Variants in DNAJC15 observed in about 807,000 individuals in gnomAD.
DNAJC15 encodes the protein DnaJ heat shock protein family (Hsp40) member C15, also known as dnaJ homolog subfamily C member 15.
Under a neutral mutation model 22.4 loss-of-function variants are expected in DNAJC15, and 27 were observed. That is an observed-to-expected ratio of 1.20 (90% CI 0.89 to 1.66). The LOEUF (loss-of-function observed/expected upper bound fraction) is 1.66, where lower values mean the gene tolerates loss of function less well. Ranked by LOEUF, DNAJC15 falls within the 40% of genes most tolerant of loss-of-function variation. DNAJC15 has a pLI of 0.00. For missense variants in DNAJC15, 208 were observed against 187.1 expected (o/e 1.11, Z -0.65); for synonymous variants, 79 against 63.2 (o/e 1.25, Z -1.19).
At chr13:43,076,375 T>C (rs1383530998) in intron 3 of DNAJC15, among the ~76,000 whole-genome samples, 2 of 152,240 alleles carry the variant, frequency 1.3e-5, no homozygotes, top group African/African-American at 2.4e-5. Context: ...GTATAGCTTA[T>C]ATAAATGGCC....
At chr13:43,065,813 A>G (rs546401502) in intron 2 of DNAJC15, 76 bp downstream of exon 2, 2 of 1,341,582 alleles carry the variant, frequency 1.5e-6, no homozygotes, top group Non-Finnish European at 2.1e-6. Context: ...TCATGAGTAG[A>G]CCCTTAGTAT....
chr13:43,027,717 C>T (rs529959839), intron 1 of DNAJC15, among the ~76,000 whole-genome samples: 147 of 151,584 alleles, frequency 9.7e-4, no homozygotes, highest in Non-Finnish European at 1.7e-3. Context: ...AATGCAATGG[C>T]GGGATCTCGG....
chr13:43,061,413 G>C (rs912374419), intron 1 of DNAJC15, among the ~76,000 whole-genome samples: 1 of 152,146 alleles, frequency 6.6e-6, no homozygotes, highest in Admixed American at 6.5e-5. Context: ...TACCTTGTCA[G>C]CATAAGCGTT....
chr13:43,062,996 G>A (rs2040566109), intron 1 of DNAJC15, among the ~76,000 whole-genome samples: 1 of 151,474 alleles, frequency 6.6e-6, no homozygotes, highest in Non-Finnish European at 1.5e-5. Context: ...TGGGATTACA[G>A]GCATGAGCCA....
chr13:43,040,519 T>C (rs770533627), intron 1 of DNAJC15, among the ~76,000 whole-genome samples: 1 of 152,208 alleles, frequency 6.6e-6, no homozygotes, highest in Non-Finnish European at 1.5e-5. Flanking sequence ...TCTGCAGGCC[T>C]AGTCTGTTTT....
At chr13:43,024,724 C>T (rs1049658840) in intron 1 of DNAJC15, among the ~76,000 whole-genome samples, 1 of 151,446 alleles carries the variant, frequency 6.6e-6, no homozygotes, top group Non-Finnish European at 1.5e-5. Context: ...TTTTCTTTAA[C>T]CTGATATATG....
rs538343548 is a variant in DNAJC15, at chr13:43,027,528, T to C, written c.108+3794T>C. 7.2e-5 allele frequency among the ~76,000 whole-genome samples: 11 copies of C among 152,368 alleles called. No homozygotes were observed. In the South Asian group the frequency reaches 2.3e-3, roughly 32 times the overall value. On this transcript the variant is annotated intron_variant, in intron 1 of 5. Transcript: ENST00000379221. ...ACCTGTCAAACTAATTTTCAGGCATTTATTCATTTCCAAAAATAAGACAGT... is the reference window on the plus strand; with the variant it reads ...ACCTGTCAAACTAATTTTCAGGCATCTATTCATTTCCAAAAATAAGACAGT...
At chr13:43,096,582 A>G (rs1485274202) in intron 5 of DNAJC15, among the ~76,000 whole-genome samples, 3 of 152,226 alleles carry the variant, frequency 2.0e-5, no homozygotes, top group Admixed American at 2.0e-4. Flanking sequence ...AAGCCAGATA[A>G]TGCACTAGAT....
At chr13:43,102,934 G>A (rs931463418) in intron 5 of DNAJC15, among the ~76,000 whole-genome samples, 4 of 152,054 alleles carry the variant, frequency 2.6e-5, no homozygotes, top group African/African-American at 9.7e-5. Flanking sequence ...TTATTTATGG[G>A]AAGGTTTTTA....
chr13:43,090,180 T>C (rs960704958), intron 5 of DNAJC15, among the ~76,000 whole-genome samples: 1 of 152,204 alleles, frequency 6.6e-6, no homozygotes, highest in African/African-American at 2.4e-5. Context: ...AGCAGCAAGC[T>C]TTTATAGGCC....
chr13:43,101,887 A>G (rs927411655), intron 5 of DNAJC15, among the ~76,000 whole-genome samples: 10 of 152,308 alleles, frequency 6.6e-5, no homozygotes, highest in African/African-American at 2.2e-4. Flanking sequence ...TTGTGCTGCT[A>G]TAAACATGTG....
chr13:43,070,959 G>C (rs1490440250), intron 3 of DNAJC15, among the ~76,000 whole-genome samples: 1 of 152,102 alleles, frequency 6.6e-6, no homozygotes, highest in African/African-American at 2.4e-5. Flanking sequence ...AAATAGAGTA[G>C]TAGCAATGGA....
At chr13:43,089,699 T>C (rs1336931812) in intron 5 of DNAJC15, among the ~76,000 whole-genome samples, 1 of 152,236 alleles carries the variant, frequency 6.6e-6, no homozygotes, top group Non-Finnish European at 1.5e-5. Context: ...ATATAAGATT[T>C]TAACTTTGTT....
At chr13:43,035,470 C>A (rs1438303126) in intron 1 of DNAJC15, among the ~76,000 whole-genome samples, 1 of 152,104 alleles carries the variant, frequency 6.6e-6, no homozygotes, top group Non-Finnish European at 1.5e-5. Context: ...ATCACCACCA[C>A]ACTGAAAAAA....
intron 1 of DNAJC15, among the ~76,000 whole-genome samples, chr13:43,063,566 T>A (rs1479755902): frequency 6.6e-6 from 1 of 152,244 alleles, no homozygotes; most frequent in East Asian, 1.9e-4. Flanking sequence ...ACTCTTGAAA[T>A]TGAGCGCCTT....
chr13:43,059,378 CTT>C (rs1467240452), intron 1 of DNAJC15, among the ~76,000 whole-genome samples: 1 of 152,084 alleles, frequency 6.6e-6, no homozygotes, highest in Non-Finnish European at 1.5e-5. Flanking sequence ...TTCTTCTTCT[CTT>C]TCTTTTTTTG....
At chr13:43,072,560 C>T (rs1477934551) in intron 3 of DNAJC15, among the ~76,000 whole-genome samples, 4 of 151,946 alleles carry the variant, frequency 2.6e-5, no homozygotes, top group Admixed American at 2.6e-4. Flanking sequence ...TTCATCTATC[C>T]ACCGAATTCT....
At chr13:43,030,053 G>A (rs2040397739) in intron 1 of DNAJC15, among the ~76,000 whole-genome samples, 1 of 152,056 alleles carries the variant, frequency 6.6e-6, no homozygotes, top group South Asian at 2.1e-4. Context: ...GTCAGGAGAG[G>A]CCTAAAATGT....
chr13:43,051,669 A>T (rs1433774543), intron 1 of DNAJC15, among the ~76,000 whole-genome samples: 2 of 147,790 alleles, frequency 1.4e-5, no homozygotes, highest in African/African-American at 5.1e-5. Context: ...GTGTATATAT[A>T]TCACATTTTC....
Sources: gnomAD v4.1 joint callset for allele counts (sites outside exome capture counted in the v4.1 genomes callset) on GRCh38, gnomAD v4.1.1 for gene constraint, MANE v1.5 for transcripts, NCBI Gene and HGNC (gene_info 2026-07-23, HGNC 2026-07-21) for gene names.